Variants in ATP6V0E1 observed in about 807,000 individuals in gnomAD.
ATP6V0E1 encodes the protein ATPase H+ transporting V0 subunit e1.
ATP6V0E1 carries 4 observed loss-of-function variants against 11.6 expected under a neutral mutation model. That is an observed-to-expected ratio of 0.35 (90% CI 0.17 to 0.79). ATP6V0E1 has a LOEUF of 0.79. ATP6V0E1 is among the 30% of genes least tolerant of loss of function. ATP6V0E1 has a pLI of 0.54. For synonymous variants in ATP6V0E1, 36 were observed against 34.8 expected, an observed-to-expected ratio of 1.04 and a Z score of -0.13; for missense variants, 105 against 100.0, an observed-to-expected ratio of 1.05 and a Z score of -0.21.
chr5:173,005,964 T>A (rs921491400), intron 2 of ATP6V0E1, among the ~76,000 whole-genome samples: 3 of 152,244 alleles, frequency 2.0e-5, no homozygotes, highest in Non-Finnish European at 4.4e-5. Flanking sequence ...TCAGAAGATA[T>A]ACTCTCTAAG....
Position 173,026,349 on chromosome 5 carries a change from A to G in ATP6V0E1, c.*36+5982A>G, listed in dbSNP as rs116065969. ...AGTTTCGTCACCAGTTTGATACACA[A>G]TTAGACTAAGTTGTTTGTGTTCAAT... On this transcript the variant is annotated intron_variant, in intron 3 of 3. Coordinates refer to ENST00000519374, the MANE Select transcript of ATP6V0E1 (RefSeq NM_003945.4). 5.9e-3 allele frequency among the ~76,000 whole-genome samples: 900 copies of G among 152,294 alleles called. 10 individuals carry two copies. The highest frequency in any genetic ancestry group is 0.021 in the African/African-American group (853 of 41,574).
intron 3 of ATP6V0E1, among the ~76,000 whole-genome samples, chr5:173,032,964 C>T (rs1447690063): frequency 3.3e-5 from 5 of 152,132 alleles, no homozygotes; most frequent in Admixed American, 1.3e-4. Context: ...GGCATGATGG[C>T]GTGGGCCTAT....
intron 2 of ATP6V0E1, among the ~76,000 whole-genome samples, chr5:173,010,055 C>T (rs1756296312): frequency 6.6e-6 from 1 of 152,206 alleles, no homozygotes; most frequent in Admixed American, 6.5e-5. Context: ...AGCCACCGTG[C>T]CTGTCCTGGA....
chr5:173,014,138 G>A (rs564956903), intron 2 of ATP6V0E1, among the ~76,000 whole-genome samples: 1 of 147,896 alleles, frequency 6.8e-6, no homozygotes, highest in African/African-American at 2.5e-5. Context: ...TCCAGCCTGG[G>A]CCGTAAAGGG....
intron 3 of ATP6V0E1, among the ~76,000 whole-genome samples, chr5:173,025,310 A>C (rs1756541498): frequency 6.7e-6 from 1 of 150,268 alleles, no homozygotes; most frequent in South Asian, 2.1e-4. Context: ...ACACCCAGCT[A>C]ATTTTTGTGT....
chr5:172,993,446 C>T (rs901636942), intron 1 of ATP6V0E1, among the ~76,000 whole-genome samples: 2 of 152,046 alleles, frequency 1.3e-5, no homozygotes, highest in African/African-American at 4.8e-5. Flanking sequence ...GCGGAGTTTG[C>T]AATGAGCCAA....
At chr5:173,012,017 A>G (rs1756333071) in intron 2 of ATP6V0E1, among the ~76,000 whole-genome samples, 2 of 150,834 alleles carry the variant, frequency 1.3e-5, no homozygotes, top group Admixed American at 6.6e-5. Context: ...AATAAACCAG[A>G]CTAGACTGTT....
At chr5:173,028,089 G>A (rs1392981125) in intron 3 of ATP6V0E1, among the ~76,000 whole-genome samples, 1 of 152,084 alleles carries the variant, frequency 6.6e-6, no homozygotes, top group Non-Finnish European at 1.5e-5. Flanking sequence ...GCACACACTC[G>A]GGCTCCTTGA....
chr5:173,024,431 G>A (rs1756526774), intron 3 of ATP6V0E1, among the ~76,000 whole-genome samples: 1 of 151,744 alleles, frequency 6.6e-6, no homozygotes, highest in Non-Finnish European at 1.5e-5. Context: ...AACCTGTTTA[G>A]GATGGCTTCT....
chr5:173,028,632 C>G (rs1236045978), intron 3 of ATP6V0E1, among the ~76,000 whole-genome samples: 1 of 152,218 alleles, frequency 6.6e-6, no homozygotes, highest in African/African-American at 2.4e-5. Flanking sequence ...CTGCTTTAAT[C>G]AAGGTAACTG....
intron 3 of ATP6V0E1, among the ~76,000 whole-genome samples, chr5:173,024,846 CTTTT>C (rs542062411): frequency 1.5e-5 from 2 of 136,214 alleles, no homozygotes; most frequent in Middle Eastern, 3.4e-3. Context: ...TTTCTTTTTT[CTTTT>C]TTTTTTTTTT....
intron 1 of ATP6V0E1, among the ~76,000 whole-genome samples, chr5:172,990,387 C>T (rs1163510028): frequency 6.6e-6 from 1 of 152,156 alleles, no homozygotes; most frequent in Non-Finnish European, 1.5e-5. Flanking sequence ...TCCATTTTCT[C>T]ACAGTGGCTT....
At chr5:172,994,452 A>G (rs547553681) in intron 1 of ATP6V0E1, among the ~76,000 whole-genome samples, 1 of 152,328 alleles carries the variant, frequency 6.6e-6, no homozygotes, top group Non-Finnish European at 1.5e-5. Context: ...AGAGAATACT[A>G]CCAAATAGGG....
chr5:173,000,233 C>A (rs1756133230), intron 2 of ATP6V0E1, among the ~76,000 whole-genome samples: 1 of 152,146 alleles, frequency 6.6e-6, no homozygotes, highest in Non-Finnish European at 1.5e-5. Flanking sequence ...AAATTAGGTT[C>A]TCTGCCAGTA....
rs767572032 is a variant in ATP6V0E1 at position 172,983,961 on chromosome 5, G to A, written c.101G>A (p.Arg34Gln). The change falls in exon 1 of 4, where the codon CGG (arginine) becomes CAG (glutamine). Residue 34 changes from arginine to glutamine, a missense_variant. Transcript: ENST00000519374. ...VPWFIPKGPN[R>Q]GVIITMLVTC... is the part of the protein sequence containing the mutation. The stretch of plus-strand genomic sequence containing the variant: ...TGGTTCATCCCTAAGGGTCCTAACC[G>A]GGGGTAAGTGCGTGAGGCCCGCCTT... 1.1e-5 allele frequency: 17 copies of A among 1,612,282 alleles called. No individual in the cohort carries two copies. The highest frequency in any genetic ancestry group is 1.4e-5 in the Non-Finnish European group (16 of 1,179,698).
In ATP6V0E1 at chr5:173,020,360, T is replaced by A. The variant is rs370117916; in HGVS notation, c.*29T>A. The stretch of plus-strand genomic sequence containing the variant: ...AGAAGACATGCTCTACAGTGCTCAG[T>A]CTTTGAGGTGACTATGCTTGTGACC... On this transcript the variant is annotated 3_prime_UTR_variant, in exon 3 of 4. Transcript: ENST00000519374. 1.1e-4 allele frequency: 170 copies of A among 1,536,042 alleles called. No homozygotes were observed. The highest frequency in any genetic ancestry group is 1.4e-4 in the Non-Finnish European group (159 of 1,110,548).
rs1314890991 is a variant in ATP6V0E1, at chr5:173,034,595, G to A, written c.*233G>A. On this transcript the variant is annotated 3_prime_UTR_variant, in exon 4 of 4. Coordinates refer to ENST00000519374, the MANE Select transcript of ATP6V0E1 (RefSeq NM_003945.4). ...GTGCCTCCATAACCTGAACTGTGCC[G>A]ACTCCACAAAACGATTATGTACTCT... 1.4e-5 allele frequency: 9 copies of A among 623,724 alleles called. No individual in the cohort carries two copies. Among genetic ancestry groups the A allele is most frequent in the African/African-American group, 9.1e-5 (5 of 54,954 alleles). The allele number at this position is 623,724 out of a possible 1,614,324, so 38.6% of individuals were successfully genotyped here.
At chr5:173,018,472 G>A (rs185962254) in intron 2 of ATP6V0E1, among the ~76,000 whole-genome samples, 28 of 152,248 alleles carry the variant, frequency 1.8e-4, no homozygotes, top group African/African-American at 6.7e-4. Flanking sequence ...AGCAGGCCCA[G>A]GCATCCAAGT....
At chr5:172,995,488 G>A (rs941558610) in intron 2 of ATP6V0E1, among the ~76,000 whole-genome samples, 3 of 152,172 alleles carry the variant, frequency 2.0e-5, no homozygotes, top group Non-Finnish European at 1.5e-5. Flanking sequence ...TGTGACTTTT[G>A]TTTATCTGAT....
Sources: gnomAD v4.1 joint callset for allele counts (sites outside exome capture counted in the v4.1 genomes callset) on GRCh38, gnomAD v4.1.1 for gene constraint, MANE v1.5 for transcripts, NCBI Gene and HGNC (gene_info 2026-07-23, HGNC 2026-07-21) for gene names.